RBFOX1: variants seen among roughly 807,000 people sequenced by gnomAD.
RBFOX1 encodes the protein RNA binding fox-1 homolog 1.
A neutral mutation model predicts 57.7 loss-of-function variants in RBFOX1; 8 were observed. The ratio of observed to expected loss-of-function variants is 0.14; its 90% CI spans 0.08 to 0.25. The LOEUF (loss-of-function observed/expected upper bound fraction) is 0.25. RBFOX1 is among the 10% of genes least tolerant of loss of function. The probability of loss-of-function intolerance (pLI) is 1.00; values close to 1 mark genes in which losing one functional copy is unlikely to be tolerated. For missense variants in RBFOX1, 611 were observed against 548.5 expected, an observed-to-expected ratio of 1.11 and a Z score of -1.14; for synonymous variants, 326 against 222.4, an observed-to-expected ratio of 1.47 and a Z score of -4.15.
chr16:6,431,623 A>T (rs967503390), intron 2 of RBFOX1, among the ~76,000 whole-genome samples: 1 of 152,050 alleles, frequency 6.6e-6, no homozygotes, highest in Non-Finnish European at 1.5e-5. Context: ...TAAGTGTGAG[A>T]TGTGAATGGC....
intron 4 of RBFOX1, among the ~76,000 whole-genome samples, chr16:7,214,740 C>T (rs2091748715): frequency 6.6e-6 from 1 of 152,176 alleles, no homozygotes; most frequent in South Asian, 2.1e-4. Flanking sequence ...GCTCTCCAGC[C>T]TAATTTTTCT....
chr16:5,611,845 C>G (rs2047825130), intron 3 of RBFOX1, among the ~76,000 whole-genome samples: 2 of 144,108 alleles, frequency 1.4e-5, no homozygotes, highest in South Asian at 4.6e-4. Context: ...CGTCACTCAG[C>G]TACTGTGTGC....
intron 1 of RBFOX1, among the ~76,000 whole-genome samples, chr16:5,255,344 C>G (rs1287609419): frequency 1.3e-5 from 2 of 150,160 alleles, no homozygotes; most frequent in African/African-American, 5.0e-5. Context: ...ATCCATCCAT[C>G]CATCCATCCC....
intron 3 of RBFOX1, among the ~76,000 whole-genome samples, chr16:5,633,755 T>A (rs2048595389): frequency 6.6e-6 from 1 of 151,554 alleles, no homozygotes; most frequent in Non-Finnish European, 1.5e-5. Context: ...ATGCCTGTAA[T>A]CGCAGCTGCT....
At chr16:6,316,652 G>A (rs2081158420) in intron 1 of RBFOX1, among the ~76,000 whole-genome samples, 1 of 152,138 alleles carries the variant, frequency 6.6e-6, no homozygotes, top group African/African-American at 2.4e-5. Flanking sequence ...GAATACAGAA[G>A]AGTACTTCCA....
intron 2 of RBFOX1, among the ~76,000 whole-genome samples, chr16:6,380,928 A>G (rs2091748262): frequency 6.6e-6 from 1 of 151,974 alleles, no homozygotes; most frequent in Non-Finnish European, 1.5e-5. Flanking sequence ...AGGTCCTCAT[A>G]TTTTTCTGTG....
intron 4 of RBFOX1, among the ~76,000 whole-genome samples, chr16:7,217,023 C>T (rs1186182208): frequency 0.02 from 1,640 of 84,078 alleles, 93 homozygotes; most frequent in African/African-American, 0.074. Context: ...CTCCCTCCCT[C>T]CCTCCCTCCC....
At chr16:5,923,748 C>A (rs934160377) in intron 4 of RBFOX1, among the ~76,000 whole-genome samples, 2 of 151,892 alleles carry the variant, frequency 1.3e-5, no homozygotes, top group South Asian at 4.2e-4. Flanking sequence ...ACCATGTTGG[C>A]CAGACTGGTC....
At chr16:7,148,595 A>G (rs1352126995) in intron 4 of RBFOX1, among the ~76,000 whole-genome samples, 1 of 152,170 alleles carries the variant, frequency 6.6e-6, no homozygotes, top group African/African-American at 2.4e-5. Context: ...TCCAAGTTTG[A>G]TTTTCTAACA....
chr16:5,289,817 G>C (rs7199158), intron 1 of RBFOX1, among the ~76,000 whole-genome samples: 65,123 of 152,130 alleles, frequency 0.43, 14,462 homozygotes, highest in Non-Finnish European at 0.5. Flanking sequence ...CTTACACAGT[G>C]TGGCACTTCT....
intron 4 of RBFOX1, among the ~76,000 whole-genome samples, chr16:7,127,005 C>T (rs1288016239): frequency 4.8e-5 from 4 of 83,606 alleles, no homozygotes; most frequent in Non-Finnish European, 9.1e-5. Context: ...AGCGAGAATC[C>T]GTCTCAAAAA....
chr16:6,502,711 G>C lies in RBFOX1; in HGVS notation c.-63-151892G>C, dbSNP rs201135488. ...TCTGCTAATTTTTGCCATTACCACC[G>C]GACCCCTATGTAGGACTCATCTCCT... On this transcript the variant is annotated intron_variant, in intron 2 of 15. Transcript: ENST00000550418. 3.3e-5 allele frequency among the ~76,000 whole-genome samples: 5 copies of C among 151,978 alleles called. No homozygotes were observed. In the East Asian group the frequency reaches 9.7e-4, roughly 29 times the overall value.
intron 3 of RBFOX1, among the ~76,000 whole-genome samples, chr16:6,748,080 G>A (rs914274186): frequency 1.3e-5 from 2 of 151,960 alleles, no homozygotes; most frequent in African/African-American, 4.8e-5. Flanking sequence ...CTTTTTTTGT[G>A]TTAACTGAAC....
intron 4 of RBFOX1, among the ~76,000 whole-genome samples, chr16:7,259,704 ATCAC>A (rs1387271238): frequency 6.6e-6 from 1 of 152,228 alleles, no homozygotes; most frequent in Non-Finnish European, 1.5e-5. Context: ...ATGTTTATAC[ATCAC>A]TCACTTAGTC....
At chr16:7,549,875 C>T (rs2085788925) in intron 5 of RBFOX1, among the ~76,000 whole-genome samples, 1 of 152,178 alleles carries the variant, frequency 6.6e-6, no homozygotes, top group Admixed American at 6.5e-5. Flanking sequence ...ACTTTGCCTC[C>T]TTCAGTCCAA....
At chr16:6,146,043 G>A (rs75001847) in intron 1 of RBFOX1, among the ~76,000 whole-genome samples, 4,694 of 152,276 alleles carry the variant, frequency 0.031, 261 homozygotes, top group African/African-American at 0.11. Context: ...CAGAGACAGC[G>A]TCCAGCTAAT....
chr16:6,052,835 A>ATAATAATAATAT (rs1420538281), intron 1 of RBFOX1, among the ~76,000 whole-genome samples: 3 of 148,726 alleles, frequency 2.0e-5, no homozygotes, highest in East Asian at 2.0e-4. Flanking sequence ...AATAATAATA[A>ATAATAATAATAT]TATTAATGCC....
intron 2 of RBFOX1, among the ~76,000 whole-genome samples, chr16:6,574,241 C>T (rs140095575): frequency 1.5e-3 from 231 of 152,020 alleles, no homozygotes; most frequent in African/African-American, 5.2e-3. Context: ...CTCCAGCATA[C>T]GGCTTAACTG....
chr16:6,763,951 G>A (rs2076980955), intron 3 of RBFOX1, among the ~76,000 whole-genome samples: 1 of 152,170 alleles, frequency 6.6e-6, no homozygotes, highest in Non-Finnish European at 1.5e-5. Flanking sequence ...AATGAGTCCT[G>A]GAGAAAGTTG....
Sources: gnomAD v4.1 joint callset for allele counts (sites outside exome capture counted in the v4.1 genomes callset) on GRCh38, gnomAD v4.1.1 for gene constraint, MANE v1.5 for transcripts, NCBI Gene and HGNC (gene_info 2026-07-23, HGNC 2026-07-21) for gene names.